Variants in FRMD3 observed in about 807,000 individuals in gnomAD.
The protein encoded by FRMD3 is FERM domain containing 3.
In FRMD3, 33 loss-of-function variants were observed where a neutral mutation model predicts 70.2. The ratio of observed to expected loss-of-function variants is 0.47; its 90% CI spans 0.36 to 0.63. The LOEUF (loss-of-function observed/expected upper bound fraction) is 0.63, where lower values mean the gene tolerates loss of function less well. Ranked by LOEUF, FRMD3 falls within the 20% of genes least tolerant of loss-of-function variation. The probability of loss-of-function intolerance (pLI) is 0.00; values close to 1 mark genes in which losing one functional copy is unlikely to be tolerated. For synonymous variants in FRMD3, 279 were observed against 255.9 expected (o/e 1.09, Z -0.86); for missense variants, 632 against 711.4 (o/e 0.89, Z 1.27).
At chr9:83,541,780 A>T (rs1830002188), upstream of FRMD3, among the ~76,000 whole-genome samples, 1 of 152,114 alleles carries the variant, frequency 6.6e-6, no homozygotes, top group Non-Finnish European at 1.5e-5. Flanking sequence ...ACTCATAGGG[A>T]TTTTGCTGGT....
At chr9:83,387,770 C>G (rs556068885) in intron 2 of FRMD3, among the ~76,000 whole-genome samples, 1 of 152,184 alleles carries the variant, frequency 6.6e-6, no homozygotes, top group Non-Finnish European at 1.5e-5. Context: ...AAAGTTATGG[C>G]TATGAATGTC....
At chr9:83,260,461 T>A (rs1832932507) in intron 13 of FRMD3, among the ~76,000 whole-genome samples, 2 of 152,192 alleles carry the variant, frequency 1.3e-5, no homozygotes, top group Admixed American at 1.3e-4. Context: ...CCATTTCATC[T>A]GCTGAACCCA....
At chr9:83,340,904 T>C (rs1449122087) in intron 5 of FRMD3, among the ~76,000 whole-genome samples, 1 of 152,230 alleles carries the variant, frequency 6.6e-6, no homozygotes, top group African/African-American at 2.4e-5. Flanking sequence ...CTTGATTGAC[T>C]GTTTTTTATA....
chr9:83,283,987 A>C (rs1320087231), intron 13 of FRMD3, among the ~76,000 whole-genome samples: 3 of 152,090 alleles, frequency 2.0e-5, no homozygotes, highest in Non-Finnish European at 2.9e-5. Flanking sequence ...CTGCAACTGC[A>C]TTAAAATGCA....
intron 13 of FRMD3, among the ~76,000 whole-genome samples, chr9:83,283,546 AAATAATAATAAT>A (rs141284669): frequency 1.5e-4 from 4 of 25,938 alleles, no homozygotes; most frequent in Non-Finnish European, 6.4e-4. Flanking sequence ...AAAAAAAAAA[AAATAATAATAAT>A]AATAATAATA....
At chr9:83,244,094 C>T (rs34685909), downstream of FRMD3, among the ~76,000 whole-genome samples, 3 of 151,550 alleles carry the variant, frequency 2.0e-5, no homozygotes, top group African/African-American at 7.3e-5. Flanking sequence ...TGCCATTGCA[C>T]TCCAGCCTGG....
chr9:83,243,583 A>G (rs559234095), downstream of FRMD3, among the ~76,000 whole-genome samples: 1 of 152,310 alleles, frequency 6.6e-6, no homozygotes, highest in East Asian at 1.9e-4. Context: ...AGCAGACACT[A>G]ACCCAAAGGC....
the FRMD3 span, among the ~76,000 whole-genome samples, chr9:83,562,676 C>T: frequency 3.9e-5 from 6 of 152,140 alleles, no homozygotes; most frequent in African/African-American, 1.2e-4. Context: ...TCTCTCAGGG[C>T]AAGAATTTGC....
At chr9:83,550,821 G>C in the FRMD3 span, among the ~76,000 whole-genome samples, 9 of 151,754 alleles carry the variant, frequency 5.9e-5, no homozygotes, top group Admixed American at 5.9e-4. Flanking sequence ...TTTGTACATT[G>C]ATTTTGTATC....
intron 1 of FRMD3, among the ~76,000 whole-genome samples, chr9:83,474,002 T>C (rs541011442): frequency 4.6e-5 from 7 of 152,388 alleles, no homozygotes; most frequent in African/African-American, 1.7e-4. Flanking sequence ...GGAGAACTTA[T>C]GTTTTTGCAT....
chr9:83,268,038 G>C (rs924231229), intron 13 of FRMD3, among the ~76,000 whole-genome samples: 1 of 152,202 alleles, frequency 6.6e-6, no homozygotes, highest in East Asian at 1.9e-4. Flanking sequence ...AAGTGGCAAA[G>C]CCATGATTTG....
At chr9:83,492,486 C>T (rs1828849624) in intron 1 of FRMD3, among the ~76,000 whole-genome samples, 1 of 152,226 alleles carries the variant, frequency 6.6e-6, no homozygotes, top group African/African-American at 2.4e-5. Flanking sequence ...GAATGGAAGG[C>T]TTCCTTCCCA....
chr9:83,424,836 C>A (rs530255411), intron 1 of FRMD3, among the ~76,000 whole-genome samples: 1 of 152,204 alleles, frequency 6.6e-6, no homozygotes, highest in Non-Finnish European at 1.5e-5. Context: ...TTACTGTTTT[C>A]ATTTTTACAG....
At chr9:83,392,584 C>T (rs185029709) in intron 1 of FRMD3, among the ~76,000 whole-genome samples, 18 of 152,216 alleles carry the variant, frequency 1.2e-4, no homozygotes, top group African/African-American at 3.4e-4. Context: ...TCCTTCCCTG[C>T]GGCCTAAACC....
At chr9:83,526,454 A>G (rs1829685076) in intron 1 of FRMD3, among the ~76,000 whole-genome samples, 1 of 152,238 alleles carries the variant, frequency 6.6e-6, no homozygotes, top group Admixed American at 6.5e-5. Context: ...AGGGTTTTAC[A>G]CCAAGCAAGC....
chr9:83,362,664 A>AAT (rs1268713481), intron 3 of FRMD3, among the ~76,000 whole-genome samples: 2 of 152,214 alleles, frequency 1.3e-5, no homozygotes. Context: ...GCTTGTTTAG[A>AAT]AGAGTAAGTG....
rs1564062663 is a variant in FRMD3, at chr9:83,407,865, C to CTCTCATCTT, written c.148-18158_148-18157insAAGATGAGA. On this transcript the variant is annotated intron_variant, in intron 1 of 13. Transcript: ENST00000304195. ...TCTCTCTCTCTCTCTCTCTCTCTCT[C>CTCTCATCTT]TCTCTCTCATCTTTCTCTCTCTCTC... Among the ~76,000 whole-genome samples the CTCTCATCTT allele has an allele frequency of 1.9e-3, 244 of 127,958 alleles. 1 individual carries two copies. Among genetic ancestry groups the CTCTCATCTT allele is most frequent in the East Asian group, 5.0e-3 (22 of 4,438 alleles). The allele number at this position is 127,958 out of a possible 152,430, so 83.9% of individuals were successfully genotyped here. A position where few individuals can be genotyped will look rare whatever the true frequency, so the allele number is the denominator to read the frequency against.
At chr9:83,348,249 T>A (rs959436284) in intron 4 of FRMD3, among the ~76,000 whole-genome samples, 2 of 150,776 alleles carry the variant, frequency 1.3e-5, no homozygotes, top group African/African-American at 4.9e-5. Flanking sequence ...CTCTCTCTCT[T>A]CTCTCTCTCT....
intron 4 of FRMD3, among the ~76,000 whole-genome samples, chr9:83,345,327 T>C (rs971496137): frequency 6.6e-6 from 1 of 152,158 alleles, no homozygotes; most frequent in African/African-American, 2.4e-5. Context: ...ATTATACTCA[T>C]TGGGTAAGGA....
Sources: gnomAD v4.1 joint callset for allele counts (sites outside exome capture counted in the v4.1 genomes callset) on GRCh38, gnomAD v4.1.1 for gene constraint, MANE v1.5 for transcripts, NCBI Gene and HGNC (gene_info 2026-07-23, HGNC 2026-07-21) for gene names.